Variants in KCNH7 observed in about 807,000 individuals in gnomAD.
KCNH7 encodes the protein voltage-gated inwardly rectifying potassium channel KCNH7.
KCNH7 carries 49 observed loss-of-function variants against 120.8 expected under a neutral mutation model. The ratio of observed to expected loss-of-function variants is 0.41; its 90% confidence interval spans 0.32 to 0.51. The LOEUF (loss-of-function observed/expected upper bound fraction) is 0.51. KCNH7 is among the 20% of genes least tolerant of loss of function. KCNH7 has a pLI of 0.38. For synonymous variants in KCNH7, 547 were observed against 516.1 expected (o/e 1.06, Z -0.81); for missense variants, 1,097 against 1,446.6 (o/e 0.76, Z 3.92).
chr2:162,640,457 T>G (rs1684113955), intron 2 of KCNH7, among the ~76,000 whole-genome samples: 1 of 151,920 alleles, frequency 6.6e-6, no homozygotes, highest in Non-Finnish European at 1.5e-5. Flanking sequence ...AAGGATACCT[T>G]TTTCACCAAA....
At chr2:162,783,255 A>G (rs1188692555) in intron 2 of KCNH7, among the ~76,000 whole-genome samples, 1 of 152,076 alleles carries the variant, frequency 6.6e-6, no homozygotes, top group African/African-American at 2.4e-5. Context: ...CTTCATTTTC[A>G]TGTCCCCTTC....
chr2:162,532,786 G>C (rs779782309), intron 3 of KCNH7, among the ~76,000 whole-genome samples: 2 of 151,830 alleles, frequency 1.3e-5, no homozygotes, highest in Non-Finnish European at 2.9e-5. Flanking sequence ...TGACAAGCTA[G>C]AAATACCATA....
At chr2:162,634,031 T>C (rs1683857137) in intron 2 of KCNH7, among the ~76,000 whole-genome samples, 2 of 152,064 alleles carry the variant, frequency 1.3e-5, no homozygotes, top group Admixed American at 1.3e-4. Flanking sequence ...AATATGTATT[T>C]ATCTGTGTGT....
At chr2:162,726,161 C>T (rs1463874027) in intron 2 of KCNH7, among the ~76,000 whole-genome samples, 3 of 152,068 alleles carry the variant, frequency 2.0e-5, no homozygotes, top group African/African-American at 7.2e-5. Flanking sequence ...ATACACTAAG[C>T]CTACCTCTAT....
intron 10 of KCNH7, among the ~76,000 whole-genome samples, chr2:162,399,766 C>A (rs1456047605): frequency 6.6e-6 from 1 of 151,812 alleles, no homozygotes; most frequent in African/African-American, 2.4e-5. Context: ...AAATGAAATT[C>A]ATCAAAACAT....
chr2:162,390,671 G>A (rs548100220), intron 12 of KCNH7, among the ~76,000 whole-genome samples: 82 of 151,966 alleles, frequency 5.4e-4, no homozygotes, highest in Non-Finnish European at 9.9e-4. Flanking sequence ...GAGGTCCTGG[G>A]CACCTCCATG....
At chr2:162,640,454 C>A (rs1247271312) in intron 2 of KCNH7, among the ~76,000 whole-genome samples, 1 of 151,910 alleles carries the variant, frequency 6.6e-6, no homozygotes, top group African/African-American at 2.4e-5. Flanking sequence ...AAGAAGGATA[C>A]CTTTTTCACC....
chr2:162,436,405 C>T (rs1053515655), intron 7 of KCNH7, among the ~76,000 whole-genome samples: 8 of 152,032 alleles, frequency 5.3e-5, no homozygotes, highest in Admixed American at 4.6e-4. Context: ...ATTATAATTG[C>T]ATTTTGCTTT....
intron 2 of KCNH7, among the ~76,000 whole-genome samples, chr2:162,627,997 C>T (rs73028538): frequency 0.028 from 4,266 of 151,894 alleles, 218 homozygotes; most frequent in African/African-American, 0.098. Flanking sequence ...TAAAGAATGA[C>T]GAATTATAGT....
intron 2 of KCNH7, among the ~76,000 whole-genome samples, chr2:162,694,126 T>C (rs1010537887): frequency 2.0e-5 from 3 of 152,164 alleles, no homozygotes; most frequent in Admixed American, 6.6e-5. Context: ...TGAAGAACTA[T>C]AATTAACCAC....
chr2:162,416,264 T>C (rs1687539170), intron 9 of KCNH7, among the ~76,000 whole-genome samples: 1 of 150,972 alleles, frequency 6.6e-6, no homozygotes, highest in Non-Finnish European at 1.5e-5. Flanking sequence ...TACCAGCTAC[T>C]GGGGAGGCTG....
chr2:162,753,023 G>C (rs892997100), intron 2 of KCNH7, among the ~76,000 whole-genome samples: 11 of 144,534 alleles, frequency 7.6e-5, no homozygotes, highest in Admixed American at 1.4e-4. Context: ...GAAAAGAAAA[G>C]AAAAGAAACC....
intron 2 of KCNH7, among the ~76,000 whole-genome samples, chr2:162,598,195 T>A (rs750794042): frequency 5.9e-5 from 9 of 152,238 alleles, no homozygotes; most frequent in Non-Finnish European, 1.0e-4. Context: ...CTAGGTGGGT[T>A]CTGAAGAGAC....
At chr2:162,460,716 G>T (rs536730433) in intron 6 of KCNH7, among the ~76,000 whole-genome samples, 4 of 152,122 alleles carry the variant, frequency 2.6e-5, no homozygotes, top group African/African-American at 9.7e-5. Flanking sequence ...CTCTAGAACT[G>T]CTAGAGATGA....
chr2:162,674,421 T>G (rs1452306828), intron 2 of KCNH7, among the ~76,000 whole-genome samples: 5 of 151,774 alleles, frequency 3.3e-5, no homozygotes, highest in African/African-American at 1.2e-4. Context: ...TGCTACTTCT[T>G]CCTAAATTGA....
chr2:162,593,747 T>C (rs751973412), intron 2 of KCNH7, among the ~76,000 whole-genome samples: 10 of 152,042 alleles, frequency 6.6e-5, no homozygotes, highest in Non-Finnish European at 1.0e-4. Context: ...CATTTCTAAA[T>C]GAAAATGAAG....
At chr2:162,432,622 G>C (rs1461170883) in intron 8 of KCNH7, among the ~76,000 whole-genome samples, 1 of 151,864 alleles carries the variant, frequency 6.6e-6, no homozygotes, top group African/African-American at 2.4e-5. Context: ...AAATTTTCCT[G>C]ATTAAAAACG....
At chr2:162,645,353 G>T (rs529390245) in intron 2 of KCNH7, among the ~76,000 whole-genome samples, 1 of 152,072 alleles carries the variant, frequency 6.6e-6, no homozygotes, top group East Asian at 1.9e-4. Context: ...TCACTATCTT[G>T]GCCAGGATGA....
intron 2 of KCNH7, among the ~76,000 whole-genome samples, chr2:162,719,693 CAA>C (rs1385396667): frequency 2.6e-5 from 4 of 151,920 alleles, no homozygotes; most frequent in Admixed American, 2.6e-4. Context: ...TTACTAAATA[CAA>C]AAACATGACT....
Sources: allele counts gnomAD v4.1 joint callset (sites outside exome capture counted in the v4.1 genomes callset), GRCh38; gene constraint gnomAD v4.1.1; transcripts MANE v1.5; gene names NCBI Gene and HGNC (gene_info 2026-07-23, HGNC 2026-07-21).